The following RNF144A variants were observed in gnomAD, a reference collection of about 807,000 sequenced individuals.
The protein encoded by RNF144A is E3 ubiquitin-protein ligase RNF144A.
In RNF144A, 11 loss-of-function variants were observed where a neutral mutation model predicts 38.7. The observed-to-expected ratio is 0.28, with a 90% CI of 0.18 to 0.47. The LOEUF is 0.47. RNF144A is among the 20% of genes least tolerant of loss of function. The pLI is 0.99. For synonymous variants in RNF144A, 149 were observed against 143.9 expected (o/e 1.04, Z -0.25); for missense variants, 316 against 377.2 (o/e 0.84, Z 1.34).
chr2:6,919,320 C>A (rs1664379665), intron 1 of RNF144A, among the ~76,000 whole-genome samples: 1 of 152,210 alleles, frequency 6.6e-6, no homozygotes, highest in African/African-American at 2.4e-5. Context: ...AAGGAGACAA[C>A]AGCCTTTTTT....
intron 6 of RNF144A, among the ~76,000 whole-genome samples, chr2:7,065,121 C>T (rs780139270): frequency 6.6e-5 from 10 of 152,232 alleles, no homozygotes; most frequent in Non-Finnish European, 1.3e-4. Flanking sequence ...GCATTTTCCA[C>T]GTGTTGACTT....
At chr2:6,991,708 G>C (rs1182410110) in intron 2 of RNF144A, among the ~76,000 whole-genome samples, 1 of 152,140 alleles carries the variant, frequency 6.6e-6, no homozygotes, top group East Asian at 1.9e-4. Context: ...AAATGAAGTA[G>C]TATATGCAAA....
chr2:7,073,863 G>A, the RNF144A span, among the ~76,000 whole-genome samples: 1 of 152,224 alleles, frequency 6.6e-6, no homozygotes, highest in Non-Finnish European at 1.5e-5. Context: ...GGTCTGTGCA[G>A]CCTGCAAGGG....
At chr2:7,059,343 C>T (rs573279406) in intron 6 of RNF144A, among the ~76,000 whole-genome samples, 1 of 151,680 alleles carries the variant, frequency 6.6e-6, no homozygotes, top group Non-Finnish European at 1.5e-5. Flanking sequence ...GAGACTCCGC[C>T]TCAAAAAAAA....
At chr2:7,073,507 G>A in the RNF144A span, among the ~76,000 whole-genome samples, 10 of 152,276 alleles carry the variant, frequency 6.6e-5, no homozygotes, top group Non-Finnish European at 1.3e-4. Context: ...TGGGTAATAA[G>A]GAATGAATCA....
At chr2:7,037,283 G>C (rs930954967) in intron 8 of RNF144A, among the ~76,000 whole-genome samples, 1 of 152,176 alleles carries the variant, frequency 6.6e-6, no homozygotes, top group East Asian at 1.9e-4. Context: ...ATTTAGAGAC[G>C]AGGTAGACTG....
At chr2:6,969,878 C>T (rs1208963371) in intron 2 of RNF144A, among the ~76,000 whole-genome samples, 1 of 152,196 alleles carries the variant, frequency 6.6e-6, no homozygotes, top group Non-Finnish European at 1.5e-5. Context: ...TCTCCTGCCT[C>T]AGCCTCCCCA....
At chr2:7,034,262 ACT>A (rs1572451540) in intron 8 of RNF144A, among the ~76,000 whole-genome samples, 2 of 149,808 alleles carry the variant, frequency 1.3e-5, no homozygotes, top group African/African-American at 4.9e-5. Flanking sequence ...ACAGAGCAAG[ACT>A]CTGTCTCAAA....
chr2:7,019,344 C>G (rs1412268300), intron 5 of RNF144A, among the ~76,000 whole-genome samples: 1 of 152,164 alleles, frequency 6.6e-6, no homozygotes, highest in African/African-American at 2.4e-5. Context: ...AGGTGAAGTC[C>G]CGGTCCACGT....
At chr2:7,017,766 A>C (rs1160450221) in intron 5 of RNF144A, among the ~76,000 whole-genome samples, 2 of 149,314 alleles carry the variant, frequency 1.3e-5, no homozygotes, top group African/African-American at 2.5e-5. Context: ...GATAATGCAG[A>C]ATGTTAATAG....
rs1014581380 is a variant in RNF144A at position 6,962,776 on chromosome 2, C to T, written c.-12+21629C>T. Among the ~76,000 whole-genome samples, 1 of 152,138 alleles carries T rather than the reference C, an allele frequency of 6.6e-6. No homozygotes were observed. Among genetic ancestry groups the T allele is most frequent in the African/African-American group, 2.4e-5 (1 of 41,420 alleles). On this transcript the variant is annotated intron_variant, in intron 2 of 8. Transcript: ENST00000320892. The surrounding 1 kb of genome is among the most constrained non-coding windows in gnomAD (Gnocchi z 4.1). ...TAAACTTCCAGAGGCAGGGCAATAC[C>T]TTTTCCATTACTGAGCACAGGCATT...
At chr2:7,036,066 G>A (rs1672658543) in intron 8 of RNF144A, among the ~76,000 whole-genome samples, 1 of 152,304 alleles carries the variant, frequency 6.6e-6, no homozygotes, top group Admixed American at 6.5e-5. Flanking sequence ...AGTGAGTGTG[G>A]GTGCTGTGAG....
chr2:7,071,270 C>CT (rs1184635163), downstream of RNF144A, among the ~76,000 whole-genome samples: 1 of 152,246 alleles, frequency 6.6e-6, no homozygotes, highest in East Asian at 1.9e-4. Flanking sequence ...CCCTGGGAAA[C>CT]TGACACAGAG....
rs1426493866 is a variant in RNF144A, at chr2:7,040,378, C to T, written c.*618C>T. On this transcript the variant is annotated 3_prime_UTR_variant, in exon 9 of 9. Coordinates refer to ENST00000320892, the MANE Select transcript of RNF144A (RefSeq NM_014746.6). Reference sequence around the variant, plus strand: ...TTCAGGAGATTTAGAAAGCCTTATGCACTCTTTGTGTTTTTCTTGAAACTT... The same window carrying T: ...TTCAGGAGATTTAGAAAGCCTTATGTACTCTTTGTGTTTTTCTTGAAACTT... 4.1e-6 allele frequency: 4 copies of T among 985,330 alleles called. No homozygotes were observed. Among genetic ancestry groups the T allele is most frequent in the Non-Finnish European group, 4.8e-6 (4 of 829,886 alleles). The allele number at this position is 985,330 out of a possible 1,614,324, so 61.0% of individuals were successfully genotyped here.
At chr2:7,025,795 A>T (rs1207699478) in intron 7 of RNF144A, among the ~76,000 whole-genome samples, 1 of 152,158 alleles carries the variant, frequency 6.6e-6, no homozygotes, top group African/African-American at 2.4e-5. Context: ...GGATATATTT[A>T]TGTCTGTTCT....
rs1673178622 is a variant in RNF144A at position 7,043,566 on chromosome 2, ATAAT to A, written c.*3810_*3813del. The A allele has an allele frequency of 1.0e-6, 1 of 985,604 alleles. No individual in the cohort carries two copies. The highest frequency in any genetic ancestry group is 1.2e-6 in the Non-Finnish European group (1 of 829,800). The allele number at this position is 985,604 out of a possible 1,614,324, so 61.1% of individuals were successfully genotyped here. On this transcript the variant is annotated 3_prime_UTR_variant, in exon 9 of 9. Transcript: ENST00000320892. Reference sequence around the variant, plus strand: ...AAATACCAAAGCTTGTTTATTTCTGATAATTAACCTAAGCCCTTATGAAAATAAA... The same window carrying A: ...AAATACCAAAGCTTGTTTATTTCTGATAACCTAAGCCCTTATGAAAATAAA...
intron 1 of RNF144A, among the ~76,000 whole-genome samples, chr2:6,938,342 C>T (rs1020584732): frequency 2.0e-5 from 3 of 149,442 alleles, no homozygotes; most frequent in Non-Finnish European, 4.4e-5. Context: ...CTGCCTCCTG[C>T]GTTCAAGCGA....
intron 5 of RNF144A, among the ~76,000 whole-genome samples, chr2:7,018,941 A>G (rs2103426485): frequency 6.6e-6 from 1 of 151,648 alleles, no homozygotes; most frequent in Non-Finnish European, 1.5e-5. Context: ...TCAGCCAGCC[A>G]TGGCTAGTGG....
downstream of RNF144A, among the ~76,000 whole-genome samples, chr2:7,047,588 CAT>C (rs1673358861): frequency 6.6e-6 from 1 of 152,156 alleles, no homozygotes; most frequent in South Asian, 2.1e-4. Flanking sequence ...CCTCTCACAA[CAT>C]GTGGGAATTC....
Sources: gnomAD v4.1 joint callset for allele counts (sites outside exome capture counted in the v4.1 genomes callset) on GRCh38, gnomAD v4.1.1 for gene constraint, Gnocchi (gnomAD v3.1) non-coding constraint, MANE v1.5 for transcripts, NCBI Gene and HGNC (gene_info 2026-07-23, HGNC 2026-07-21) for gene names.